Variants in OTUD7A observed in about 807,000 individuals in gnomAD.
OTUD7A encodes the protein OTU domain-containing protein 7A.
In OTUD7A, 12 loss-of-function variants were observed where a neutral mutation model predicts 65.7. The ratio of observed to expected loss-of-function variants is 0.18; its 90% confidence interval spans 0.12 to 0.30. The LOEUF (loss-of-function observed/expected upper bound fraction) is 0.30, where lower values mean the gene tolerates loss of function less well. Among genes scored for constraint, OTUD7A ranks in the 10% least tolerant of loss-of-function variants. The pLI is 1.00. For missense variants in OTUD7A, 1,148 were observed against 1,304.8 expected, an observed-to-expected ratio of 0.88 and a Z score of 1.85; for synonymous variants, 641 against 586.3, an observed-to-expected ratio of 1.09 and a Z score of -1.35.
intron 1 of OTUD7A, among the ~76,000 whole-genome samples, chr15:31,717,030 C>T (rs186325848): frequency 1.5e-4 from 23 of 152,226 alleles, no homozygotes; most frequent in Middle Eastern, 3.4e-3. Flanking sequence ...AACTAGATCC[C>T]CTCAAAGGTT....
intron 1 of OTUD7A, among the ~76,000 whole-genome samples, chr15:31,780,028 T>C (rs1291815316): frequency 6.6e-6 from 1 of 152,010 alleles, no homozygotes; most frequent in Non-Finnish European, 1.5e-5. Flanking sequence ...GGAGGGAGCA[T>C]GTCATCCTCA....
At chr15:31,726,256 T>G (rs1265314818) in intron 1 of OTUD7A, among the ~76,000 whole-genome samples, 1 of 152,120 alleles carries the variant, frequency 6.6e-6, no homozygotes, top group Non-Finnish European at 1.5e-5. Context: ...TACACATCGC[T>G]TAATTCCTGG....
intron 3 of OTUD7A, among the ~76,000 whole-genome samples, chr15:31,585,492 T>C (rs566793170): frequency 2.0e-5 from 3 of 152,302 alleles, no homozygotes; most frequent in African/African-American, 7.2e-5. Context: ...TACCTACAGG[T>C]GAGCTGCTTC....
intron 12 of OTUD7A, among the ~76,000 whole-genome samples, chr15:31,485,422 A>T (rs575568315): frequency 6.6e-6 from 1 of 152,354 alleles, no homozygotes; most frequent in South Asian, 2.1e-4. Flanking sequence ...GGATTCTGAA[A>T]TAGGCCTGCG....
chr15:31,493,382 C>T (rs2041344608), intron 10 of OTUD7A, among the ~76,000 whole-genome samples: 1 of 152,130 alleles, frequency 6.6e-6, no homozygotes, highest in South Asian at 2.1e-4. Context: ...CTTCAAAGTA[C>T]ATGAAGCAAA....
intron 1 of OTUD7A, among the ~76,000 whole-genome samples, chr15:31,746,609 G>A (rs1894486382): frequency 6.6e-6 from 1 of 150,868 alleles, no homozygotes; most frequent in East Asian, 1.9e-4. Context: ...TGATTCTCCT[G>A]CCTCAGCCTC....
At chr15:31,571,980 T>C (rs577799464) in intron 3 of OTUD7A, among the ~76,000 whole-genome samples, 5 of 152,320 alleles carry the variant, frequency 3.3e-5, no homozygotes, top group African/African-American at 1.2e-4. Context: ...TTAAAACACA[T>C]GGATTCCCCT....
intron 1 of OTUD7A, among the ~76,000 whole-genome samples, chr15:31,731,484 G>T (rs1440185889): frequency 6.6e-6 from 1 of 152,184 alleles, no homozygotes. Context: ...CTTTATGACT[G>T]ACATGTTGGA....
At chr15:31,651,564 T>C (rs1446588070) in intron 3 of OTUD7A, among the ~76,000 whole-genome samples, 3 of 137,568 alleles carry the variant, frequency 2.2e-5, no homozygotes, top group Admixed American at 7.5e-5. Flanking sequence ...ATGTAGAAAA[T>C]CCCAAGGAAC....
intron 8 of OTUD7A, among the ~76,000 whole-genome samples, chr15:31,513,919 T>G (rs966099179): frequency 6.6e-5 from 10 of 152,246 alleles, no homozygotes; most frequent in Admixed American, 1.3e-4. Flanking sequence ...TTTTATTCAG[T>G]GGGTTATAAT....
rs1395066277 is a variant in OTUD7A, at chr15:31,480,116, G to C, written c.*3178C>G. The stretch of plus-strand genomic sequence containing the variant: ...TTACCCTTCCAAGGGACAACCCTGT[G>C]GCAATAACGGGTGCAAAATATTGCT... On this transcript the variant is annotated 3_prime_UTR_variant, in exon 13 of 13. Transcript: ENST00000307050. 1 of 152,152 alleles carries C rather than the reference G, an allele frequency of 6.6e-6. No individual in the cohort carries two copies. Among genetic ancestry groups the C allele is most frequent in the East Asian group, 1.9e-4 (1 of 5,198 alleles). 9.4% of individuals were successfully genotyped at this position (152,152 alleles called of 1,614,324 possible). A position where few individuals can be genotyped will look rare whatever the true frequency, so the allele number is the denominator to read the frequency against.
chr15:31,816,534 CAA>C (rs368748974), intron 1 of OTUD7A, among the ~76,000 whole-genome samples: 84,963 of 134,460 alleles, frequency 0.63, 24,648 homozygotes, highest in East Asian at 0.76. Context: ...ACTAAAAATA[CAA>C]AAAAAAAAAT....
In OTUD7A at chr15:31,780,401, A is replaced by T. The variant is rs531120162; in HGVS notation, c.-100+90106T>A. Among the ~76,000 whole-genome samples, 17 of 152,354 alleles carry T rather than the reference A, an allele frequency of 1.1e-4. No individual in the cohort carries two copies. In the South Asian group the frequency reaches 3.3e-3, roughly 30 times the overall value. ...ATAGATTAAATTTCTGATTTAAAAT[A>T]AAAAAAGTATAAAAAACCTAAATCA... On this transcript the variant is annotated intron_variant, in intron 1 of 12. Coordinates refer to ENST00000307050, the MANE Select transcript of OTUD7A (RefSeq NM_001382637.1).
At chr15:31,664,250 T>C (rs921550638) in intron 1 of OTUD7A, among the ~76,000 whole-genome samples, 3 of 145,932 alleles carry the variant, frequency 2.1e-5, no homozygotes, top group African/African-American at 5.5e-5. Flanking sequence ...GTCTCCACAC[T>C]GTTTTCCATA....
intron 3 of OTUD7A, among the ~76,000 whole-genome samples, chr15:31,628,275 T>G (rs561194451): frequency 3.3e-5 from 5 of 152,338 alleles, no homozygotes; most frequent in Admixed American, 1.3e-4. Context: ...TTGTAAAGGG[T>G]GTAAAGAAGG....
At chr15:31,621,602 G>A (rs1453182940) in intron 3 of OTUD7A, among the ~76,000 whole-genome samples, 4 of 148,566 alleles carry the variant, frequency 2.7e-5, no homozygotes, top group African/African-American at 7.5e-5. Context: ...CTTTTTTTTT[G>A]TTTTCCATTT....
intron 1 of OTUD7A, among the ~76,000 whole-genome samples, chr15:31,841,590 G>A (rs1432034645): frequency 6.6e-6 from 1 of 152,030 alleles, no homozygotes; most frequent in African/African-American, 2.4e-5. Flanking sequence ...AGTTAATGGA[G>A]TTGCACGAAC....
intron 3 of OTUD7A, among the ~76,000 whole-genome samples, chr15:31,638,815 G>A (rs191815568): frequency 6.6e-6 from 1 of 152,234 alleles, no homozygotes; most frequent in African/African-American, 2.4e-5. Context: ...ATCACTGCAA[G>A]ATACCATACA....
chr15:31,649,499 C>G (rs988265981), intron 3 of OTUD7A, among the ~76,000 whole-genome samples: 6 of 152,168 alleles, frequency 3.9e-5, no homozygotes, highest in African/African-American at 9.7e-5. Context: ...ATTTATTTCC[C>G]TTTAGACATC....
Sources: gnomAD v4.1 joint callset for allele counts (sites outside exome capture counted in the v4.1 genomes callset) on GRCh38, gnomAD v4.1.1 for gene constraint, MANE v1.5 for transcripts, NCBI Gene and HGNC (gene_info 2026-07-23, HGNC 2026-07-21) for gene names.